Variants in FOLR2 observed in about 807,000 individuals in gnomAD.
The protein encoded by FOLR2 is folate receptor beta.
A neutral mutation model predicts 20.4 loss-of-function variants in FOLR2; 14 were observed. That is an observed-to-expected ratio of 0.68 (90% CI 0.45 to 1.07). The LOEUF (loss-of-function observed/expected upper bound fraction) is 1.07. Among genes scored for constraint, FOLR2 ranks in the 50% least tolerant of loss-of-function variants. The pLI, the probability that FOLR2 is intolerant of heterozygous loss-of-function variation, is 0.00. For missense variants in FOLR2, 269 were observed against 322.6 expected (o/e 0.83, Z 1.27); for synonymous variants, 114 against 114.3 (o/e 1.00, Z 0.02).
rs914470318 is a variant in FOLR2 at position 72,218,436 on chromosome 11, C to T, written c.-24-125C>T. On this transcript the variant is annotated intron_variant, in intron 1 of 4. Coordinates refer to ENST00000298223, the MANE Select transcript of FOLR2 (RefSeq NM_000803.5). ...CCCTAGCCTCAGGGAGCTTCAGGGC[C>T]CCAGCATTGAAGGAACAGGGTCTGA... 3.8e-6 allele frequency: 3 copies of T among 787,190 alleles called. No individual in the cohort carries two copies. In the East Asian group the frequency reaches 8.0e-5, roughly 21 times the overall value. The allele number at this position is 787,190 out of a possible 1,614,324, so 48.8% of individuals were successfully genotyped here.
intron 1 of FOLR2, chr11:72,217,406 A>G (rs552305575): frequency 3.8e-5 from 49 of 1,287,924 alleles, no homozygotes; most frequent in Non-Finnish European, 4.9e-5. Context: ...AAGACTTGAC[A>G]CTAAACATAG....
At position 72,216,801 on chromosome 11, in the gene FOLR2, G is replaced by C. The variant is rs1003595708; in HGVS notation, c.-149G>C. On this transcript the variant is annotated 5_prime_UTR_variant, in exon 1 of 5. Coordinates refer to ENST00000298223, the MANE Select transcript of FOLR2 (RefSeq NM_000803.5). ...TTTCACTCAGTGCTTACCAGAGCGC[G>C]TTGTCTACCCTGTACCGAAGACAGA... 2.4e-6 allele frequency: 3 copies of C among 1,231,780 alleles called. No individual in the cohort carries two copies. Among genetic ancestry groups the C allele is most frequent in the Non-Finnish European group, 3.5e-6 (3 of 854,750 alleles). The allele number at this position is 1,231,780 out of a possible 1,614,324, so 76.3% of individuals were successfully genotyped here.
chr11:72,221,067 T>TCGGGGGGGGGGCGCCCCCCCCCCCCCCCC lies in FOLR2; in HGVS notation c.339+10_339+11insGGGGGGGGGGCGCCCCCCCCCCCCCCCCC. ...GGCCCTGGATCCAGCAGGTAGGGTG[T>TCGGGGGGGGGGCGCCCCCCCCCCCCCCCC]CTCCCCCCCACCCACCCCAGCAGAC... On this transcript the variant is annotated intron_variant, in intron 3 of 4. Coordinates refer to ENST00000298223, the MANE Select transcript of FOLR2 (RefSeq NM_000803.5). The TCGGGGGGGGGGCGCCCCCCCCCCCCCCCC allele has an allele frequency of 6.4e-7, 1 of 1,570,106 alleles. No homozygotes were observed. The highest frequency in any genetic ancestry group is 8.7e-7 in the Non-Finnish European group (1 of 1,154,902).
intron 1 of FOLR2, chr11:72,217,502 C>T (rs1291417675): frequency 2.6e-6 from 2 of 766,824 alleles, no homozygotes; most frequent in Non-Finnish European, 3.9e-6. Flanking sequence ...GTGACAGAGC[C>T]CAAAGGAACA....
chr11:72,221,134 T>C (rs759609391), intron 3 of FOLR2, 42 bp from the exon 4 acceptor site: 1 of 1,463,900 alleles, frequency 6.8e-7, no homozygotes, highest in South Asian at 1.2e-5. Context: ...GCTGCCAGCA[T>C]CCCTGGCTGA....
At chr11:72,217,384 AT>A (rs1457192258) in intron 1 of FOLR2, 1 of 1,289,150 alleles carries the variant, frequency 7.8e-7, no homozygotes, top group South Asian at 1.2e-5. Context: ...AGGGGAAGAA[AT>A]TGGAAGAGGG....
chr11:72,221,906 G>C lies in FOLR2; in HGVS notation c.*144G>C, dbSNP rs1268756536. 1 of 705,138 alleles carries C rather than the reference G, an allele frequency of 1.4e-6. No homozygotes were observed. Among genetic ancestry groups the C allele is most frequent in the Non-Finnish European group, 2.3e-6 (1 of 429,124 alleles). The allele number at this position is 705,138 out of a possible 1,614,324, so 43.7% of individuals were successfully genotyped here. A position where few individuals can be genotyped will look rare whatever the true frequency, so the allele number is the denominator to read the frequency against. On this transcript the variant is annotated 3_prime_UTR_variant, in exon 5 of 5. Transcript: ENST00000298223. Reference sequence around the variant, plus strand: ...CAGTCTGTTGCTGCTCCATGGTGGGGCCAAGAGTCACTTCTAATAAACAGA... The same window carrying C: ...CAGTCTGTTGCTGCTCCATGGTGGGCCCAAGAGTCACTTCTAATAAACAGA...
intron 2 of FOLR2, 129 bp from the exon 3 acceptor site, chr11:72,220,741 T>A: frequency 1.7e-6 from 2 of 1,146,272 alleles, no homozygotes; most frequent in Non-Finnish European, 2.5e-6. Flanking sequence ...GACCATCATC[T>A]GGGAACCTGA....
intron 4 of FOLR2, 56 bp downstream of exon 4, chr11:72,221,367 A>C: frequency 6.2e-6 from 10 of 1,601,624 alleles, no homozygotes; most frequent in Non-Finnish European, 8.5e-6. Flanking sequence ...GGTTTGGAAA[A>C]TCTTCAAGGA....
chr11:72,218,452 C>G, intron 1 of FOLR2, 109 bp from the exon 2 acceptor site: 2 of 942,264 alleles, frequency 2.1e-6, no homozygotes, highest in Non-Finnish European at 3.2e-6. Context: ...ATTGAAGGAA[C>G]AGGGTCTGAC....
chr11:72,218,828 C>T (rs1591256987), intron 2 of FOLR2, 94 bp downstream of exon 2: 1 of 1,031,426 alleles, frequency 9.7e-7, no homozygotes, highest in East Asian at 2.6e-5. Flanking sequence ...GGGTCAGATA[C>T]CTCCACATCC....
In FOLR2 at chr11:72,221,253, T is replaced by C. The variant is rs755778536; in HGVS notation, c.417T>C (p.Asp139=). ...CKEDCQRWWE[D]CHTSHTCKSN... ...AGGACTGTCAGCGCTGGTGGGAGGA[T>C]TGTCACACCTCCCACACGTGCAAGA... Residue 139 remains aspartate, a synonymous_variant, in exon 4 of 5, where the codon GAT becomes GAC. Transcript: ENST00000298223. 55 of 1,613,654 alleles carry C rather than the reference T, an allele frequency of 3.4e-5. No homozygotes were observed. The highest frequency in any genetic ancestry group is 5.3e-5 in the African/African-American group (4 of 74,910).
At position 72,221,013 on chromosome 11, in the gene FOLR2, C is replaced by T; in HGVS notation, c.294C>T (p.Thr98=). Residue 98 remains threonine, a synonymous_variant, in exon 3 of 5, where the codon ACC becomes ACT. Coordinates refer to ENST00000298223, the MANE Select transcript of FOLR2 (RefSeq NM_000803.5). ...GCAAGCGCCACTTCATCCAGGACAC[C>T]TGTCTCTATGAGTGCTCACCCAACC... ...PACKRHFIQD[T]CLYECSPNLG... The T allele has an allele frequency of 6.2e-7, 1 of 1,613,896 alleles. No homozygotes were observed. Among genetic ancestry groups the T allele is most frequent in the South Asian group, 1.1e-5 (1 of 91,084 alleles).
chr11:72,217,537 G>A, intron 1 of FOLR2: 2 of 496,290 alleles, frequency 4.0e-6, no homozygotes, highest in Non-Finnish European at 3.5e-6. Flanking sequence ...GGGGGTGGGG[G>A]CAAGGGCAGC....
intron 2 of FOLR2, 71 bp downstream of exon 2, chr11:72,218,805 G>C: frequency 7.5e-7 from 1 of 1,332,532 alleles, no homozygotes. Flanking sequence ...AGGATGGTGG[G>C]AGAGGGATTG....
intron 1 of FOLR2, among the ~76,000 whole-genome samples, chr11:72,217,876 A>G (rs79587483): frequency 0.049 from 7,430 of 151,906 alleles, 217 homozygotes; most frequent in African/African-American, 0.093. Flanking sequence ...TCTCATCTGC[A>G]TTTGTTTTTT....
In FOLR2 at chr11:72,216,904, C is replaced by A; in HGVS notation, c.-46C>A. The A allele has an allele frequency of 6.3e-7, 1 of 1,599,520 alleles. No homozygotes were observed. The highest frequency in any genetic ancestry group is 8.5e-7 in the Non-Finnish European group (1 of 1,179,798). ...CAACTCAGACACAGCCGTGTATGCTCCCAGCAGCAACGGAGGTTCAGGCAA... is the reference window on the plus strand; with the variant it reads ...CAACTCAGACACAGCCGTGTATGCTACCAGCAGCAACGGAGGTTCAGGCAA... On this transcript the variant is annotated 5_prime_UTR_variant, in exon 1 of 5. Coordinates refer to ENST00000298223, the MANE Select transcript of FOLR2 (RefSeq NM_000803.5).
At chr11:72,219,527 C>T (rs780618365) in intron 2 of FOLR2, among the ~76,000 whole-genome samples, 2 of 152,124 alleles carry the variant, frequency 1.3e-5, no homozygotes. Context: ...GGTATGACTA[C>T]ATTAGAAGGC....
rs772932607 is a variant in FOLR2, at chr11:72,221,010, C to T, written c.291C>T (p.Asp97=). The T allele has an allele frequency of 1.9e-6, 3 of 1,613,938 alleles. No homozygotes were observed. Among genetic ancestry groups the T allele is most frequent in the Non-Finnish European group, 2.5e-6 (3 of 1,179,894 alleles). Residue 97 remains aspartate, a synonymous_variant, in exon 3 of 5, where the codon GAC becomes GAT. Coordinates refer to ENST00000298223, the MANE Select transcript of FOLR2 (RefSeq NM_000803.5). The stretch of plus-strand genomic sequence containing the variant: ...CCTGCAAGCGCCACTTCATCCAGGA[C>T]ACCTGTCTCTATGAGTGCTCACCCA... ...EPACKRHFIQ[D]TCLYECSPNL... is the part of the protein sequence containing the mutation.
Sources: allele counts gnomAD v4.1 joint callset (sites outside exome capture counted in the v4.1 genomes callset), GRCh38; gene constraint gnomAD v4.1.1; transcripts MANE v1.5; gene names NCBI Gene and HGNC (gene_info 2026-07-23, HGNC 2026-07-21).